NEK5: variants seen among roughly 807,000 people sequenced by gnomAD.
NEK5 encodes NIMA related kinase 5.
NEK5 carries 88 observed loss-of-function variants against 109.2 expected under a neutral mutation model. The observed-to-expected ratio is 0.81, with a 90% CI of 0.68 to 0.96. The LOEUF is 0.96. Ranked by LOEUF, NEK5 falls within the 40% of genes least tolerant of loss-of-function variation. The pLI is 0.00. For missense variants in NEK5, 834 were observed against 920.7 expected, an observed-to-expected ratio of 0.91 and a Z score of 1.22; for synonymous variants, 283 against 299.9, an observed-to-expected ratio of 0.94 and a Z score of 0.58.
At chr13:52,059,987 A>G (rs565986392) in intron 22 of NEK5, among the ~76,000 whole-genome samples, 1 of 152,070 alleles carries the variant, frequency 6.6e-6, no homozygotes, top group Non-Finnish European at 1.5e-5. Context: ...AATAATCATA[A>G]TAATAATTAG....
intron 17 of NEK5, chr13:52,082,441 CA>C: frequency 1.7e-6 from 1 of 604,028 alleles, no homozygotes; most frequent in Non-Finnish European, 2.2e-6. Context: ...GAAAGTAAAA[CA>C]TTTTATGTAA....
intron 8 of NEK5, among the ~76,000 whole-genome samples, chr13:52,105,847 T>C (rs547117855): frequency 3.4e-4 from 52 of 152,296 alleles, no homozygotes; most frequent in African/African-American, 1.3e-3. Context: ...CTATGCATAT[T>C]TTAAAGTCTT....
chr13:52,099,751 C>T lies in NEK5; in HGVS notation c.1018G>A (p.Ala340Thr). The change falls in exon 12 of 24, where the codon GCC (alanine) becomes ACC (threonine). Residue 340 changes from alanine to threonine, a missense_variant. Transcript: ENST00000684899. ...EWRPPAGAQK[A>T]RSIKMIERPK... ...GGTTTAGAATGACTTACAGATCTGG[C>T]CTTCTGGGCTCCAGCTGGTGGTCTC... 1 of 1,613,432 alleles carries T rather than the reference C, an allele frequency of 6.2e-7. No individual in the cohort carries two copies. Among genetic ancestry groups the T allele is most frequent in the Non-Finnish European group, 8.5e-7 (1 of 1,179,662 alleles).
Position 52,093,066 on chromosome 13 carries a change from G to A in NEK5, c.1196C>T (p.Ser399Phe). 2 of 1,611,072 alleles carry A rather than the reference G, an allele frequency of 1.2e-6. No homozygotes were observed. The highest frequency in any genetic ancestry group is 1.7e-6 in the Non-Finnish European group (2 of 1,177,604). The change falls in exon 13 of 24, where the codon TCC becomes TTC. Residue 399 changes from serine (S) to phenylalanine (F), a missense_variant. Physicochemically the swap from Ser to Phe is radical, Grantham distance 155. Transcript: ENST00000684899. ...DYGQETRHGP[S>F]PSQWPAEYLQ... ...ACCACAATATTACCATTGACTTGGG[G>A]ATGGACCATGCCTCGTTTCCTGACC...
intron 19 of NEK5, among the ~76,000 whole-genome samples, chr13:52,072,994 C>T (rs144086128): frequency 6.6e-6 from 1 of 152,258 alleles, no homozygotes; most frequent in African/African-American, 2.4e-5. Context: ...GTATTTACTC[C>T]TTGCTGTGGC....
chr13:52,074,942 C>A (rs575686531), intron 19 of NEK5, among the ~76,000 whole-genome samples: 1 of 152,240 alleles, frequency 6.6e-6, no homozygotes, highest in South Asian at 2.1e-4. Context: ...TCACACGAGT[C>A]AGAATGGCTA....
chr13:52,078,065 A>G (rs1954900430), intron 17 of NEK5, among the ~76,000 whole-genome samples: 1 of 151,524 alleles, frequency 6.6e-6, no homozygotes. Context: ...CAAGGGCGAA[A>G]CTTGTCTCAA....
At chr13:52,100,579 A>G (rs1955509209) in intron 11 of NEK5, among the ~76,000 whole-genome samples, 1 of 152,074 alleles carries the variant, frequency 6.6e-6, no homozygotes, top group Non-Finnish European at 1.5e-5. Context: ...ATCTCCATCA[A>G]AATTTGTTCT....
intron 16 of NEK5, among the ~76,000 whole-genome samples, chr13:52,084,760 AGAGTGTGTGTGTGTGTGTGTGTGT>A (rs1339938436): frequency 4.9e-4 from 18 of 36,564 alleles, no homozygotes; most frequent in Admixed American, 7.0e-4. Flanking sequence ...AGAGAGAGAG[AGAGTGTGTGTGTGTGTGTGTGTGT>A]GTGTGTGTGT....
intron 14 of NEK5, 151 bp downstream of exon 14, chr13:52,089,096 C>CAACAACAAT (rs745587387): frequency 2.7e-5 from 16 of 593,326 alleles, no homozygotes; most frequent in Non-Finnish European, 4.8e-5. Flanking sequence ...TCTCAGAAAA[C>CAACAACAAT]AACAACAACA....
rs193024877 is a variant in NEK5 at position 52,094,648 on chromosome 13, G to A, written c.1027-1413C>T. The stretch of plus-strand genomic sequence containing the variant: ...AACACAAAAACAAAATTAGCTGGGC[G>A]TGATGGCGGGTGCCTATAGTCCCAG... On this transcript the variant is annotated intron_variant, in intron 12 of 23. Transcript: ENST00000684899. Among the ~76,000 whole-genome samples, 611 of 152,258 alleles carry A rather than the reference G, an allele frequency of 4.0e-3. 1 individual carries two copies. The highest frequency in any genetic ancestry group is 0.014 in the Middle Eastern group (4 of 294).
In NEK5 at chr13:52,063,925, G is replaced by A. The variant is rs556401772; in HGVS notation, c.1975+1559C>T. 1.5e-4 allele frequency among the ~76,000 whole-genome samples: 23 copies of A among 151,018 alleles called. No individual in the cohort carries two copies. The South Asian group carries it at 4.8e-3, about 32-fold the overall frequency. Reference sequence around the variant, plus strand: ...GTGGGGGTCAGCCCCTGCCAGGCCAGCCGCCCCGTCCGGGAGGGAGGTGGG... The same window carrying A: ...GTGGGGGTCAGCCCCTGCCAGGCCAACCGCCCCGTCCGGGAGGGAGGTGGG... On this transcript the variant is annotated intron_variant, in intron 21 of 23. Transcript: ENST00000684899.
chr13:52,080,267 G>T (rs1192198353), intron 17 of NEK5, among the ~76,000 whole-genome samples: 1 of 144,562 alleles, frequency 6.9e-6, no homozygotes, highest in African/African-American at 2.6e-5. Context: ...GAGGGAGGTG[G>T]GGGGGGGTCA....
intron 3 of NEK5, among the ~76,000 whole-genome samples, chr13:52,119,844 A>C (rs1955935166): frequency 6.6e-6 from 1 of 152,200 alleles, no homozygotes; most frequent in Non-Finnish European, 1.5e-5. Flanking sequence ...CAGGTCAGTA[A>C]AATTTTGTAT....
intron 20 of NEK5, among the ~76,000 whole-genome samples, chr13:52,068,470 C>CACAG (rs1954726710): frequency 7.0e-6 from 1 of 143,460 alleles, no homozygotes; most frequent in African/African-American, 2.6e-5. Context: ...CACAAATACA[C>CACAG]ACACACACAC....
At chr13:52,101,576 A>G (rs190638535) in intron 11 of NEK5, among the ~76,000 whole-genome samples, 7 of 152,282 alleles carry the variant, frequency 4.6e-5, no homozygotes, top group African/African-American at 1.2e-4. Flanking sequence ...TTTTAGAAAA[A>G]TAAGTTTCAT....
intron 7 of NEK5, 44 bp downstream of exon 7, chr13:52,110,296 G>A (rs767407153): frequency 2.6e-6 from 3 of 1,175,664 alleles, no homozygotes; most frequent in South Asian, 1.3e-5. Context: ...ATACATATTT[G>A]GGCTATTTTG....
intron 4 of NEK5, among the ~76,000 whole-genome samples, chr13:52,114,207 G>A (rs1955807445): frequency 6.6e-6 from 1 of 152,130 alleles, no homozygotes; most frequent in Non-Finnish European, 1.5e-5. Context: ...GGGCTTAAAT[G>A]TTTGTTGAGT....
At chr13:52,052,545 C>T (rs1248296084) in intron 22 of NEK5, among the ~76,000 whole-genome samples, 1 of 152,092 alleles carries the variant, frequency 6.6e-6, no homozygotes. Context: ...TGGTGTTTCC[C>T]TCTTTGTGGG....
Sources: allele counts gnomAD v4.1 joint callset (sites outside exome capture counted in the v4.1 genomes callset), GRCh38; gene constraint gnomAD v4.1.1; transcripts MANE v1.5; gene names NCBI Gene and HGNC (gene_info 2026-07-23, HGNC 2026-07-21).